Variants in ST6GAL1 observed in about 807,000 individuals in gnomAD.
ST6GAL1 encodes ST6 beta-galactoside alpha-2,6-sialyltransferase 1.
A neutral mutation model predicts 38.0 loss-of-function variants in ST6GAL1; 20 were observed. The observed-to-expected ratio is 0.53, with a 90% confidence interval of 0.37 to 0.77. The LOEUF is 0.77. Ranked by LOEUF, ST6GAL1 falls within the 30% of genes least tolerant of loss-of-function variation. The pLI is 0.00. For synonymous variants in ST6GAL1, 196 were observed against 188.2 expected (o/e 1.04, Z -0.34); for missense variants, 432 against 496.4 (o/e 0.87, Z 1.23).
intron 5 of ST6GAL1, among the ~76,000 whole-genome samples, chr3:187,069,846 AAC>A (rs916353046): frequency 2.0e-4 from 30 of 152,202 alleles, no homozygotes; most frequent in African/African-American, 7.2e-4. Context: ...AAGAGACAGG[AAC>A]ACACATCCCC....
rs997652538 is a variant in ST6GAL1, at chr3:186,968,231, T to C, written c.-183+4305T>C. 2.0e-5 allele frequency among the ~76,000 whole-genome samples: 3 copies of C among 152,190 alleles called. 1 individual carries two copies. Among genetic ancestry groups the C allele is most frequent in the African/African-American group, 7.2e-5 (3 of 41,446 alleles). On this transcript the variant is annotated intron_variant, in intron 2 of 7. Transcript: ENST00000169298. ...GACCTCCCGGCTTTCTGATCCAGTT[T>C]CATCATCTGTAAAATGGGCCGAATA...
rs76188407 is a variant in ST6GAL1, at chr3:186,971,472, G to A, written c.-183+7546G>A. ...ATTTGTGTTTCCCTAACAGCTGGTT[G>A]TGTGCCTCTCTTTCTGCTCCCCCAG... On this transcript the variant is annotated intron_variant, in intron 2 of 7. Transcript: ENST00000169298. Among the ~76,000 whole-genome samples the A allele has an allele frequency of 8.3e-3, 1,268 of 152,300 alleles. 12 individuals carry two copies. The highest frequency in any genetic ancestry group is 0.029 in the African/African-American group (1,201 of 41,570).
intron 2 of ST6GAL1, among the ~76,000 whole-genome samples, chr3:187,008,874 C>A (rs1425527310): frequency 6.6e-6 from 1 of 151,808 alleles, no homozygotes; most frequent in Non-Finnish European, 1.5e-5. Flanking sequence ...TCTGTCTCTT[C>A]CTTTCATGTG....
chr3:187,074,283 A>G lies in ST6GAL1; in HGVS notation c.929A>G (p.Glu310Gly). 3.1e-6 allele frequency: 5 copies of G among 1,610,792 alleles called. No homozygotes were observed. The highest frequency in any genetic ancestry group is 4.2e-6 in the Non-Finnish European group (5 of 1,178,622). The change falls in exon 7 of 8, where the codon GAA (glutamate) becomes GGA (glycine). Residue 310 changes from glutamate (E) to glycine (G), a missense_variant. Coordinates refer to ENST00000169298, the MANE Select transcript of ST6GAL1 (RefSeq NM_173216.2). ...TGGGAGCTATGGGACATTCTTCAAG[A>G]AATCTCCCCAGAAGAGATTCAGCCA... ...MPWELWDILQ[E>G]ISPEEIQPNP...
intron 1 of ST6GAL1, among the ~76,000 whole-genome samples, chr3:186,950,723 G>A (rs913293704): frequency 1.3e-5 from 2 of 152,280 alleles, no homozygotes; most frequent in Admixed American, 6.5e-5. Flanking sequence ...AAAAAGAACC[G>A]GAGAAGACCA....
chr3:187,029,883 G>T lies in ST6GAL1; in HGVS notation c.-182-8859G>T, dbSNP rs147323700. On this transcript the variant is annotated intron_variant, in intron 2 of 7. Transcript: ENST00000169298. Reference sequence around the variant, plus strand: ...GGAAAGTGAGGAACAGTGACAGGTGGAAGGATTAACCACAGAAGCTTGTTG... The same window carrying T: ...GGAAAGTGAGGAACAGTGACAGGTGTAAGGATTAACCACAGAAGCTTGTTG... 9.4e-4 allele frequency among the ~76,000 whole-genome samples: 143 copies of T among 152,304 alleles called. 3 individuals are homozygous for T. The highest frequency in any genetic ancestry group is 8.5e-3 in the East Asian group (44 of 5,186).
rs1719581697 is a variant in ST6GAL1 at position 187,076,924 on chromosome 3, C to A, written c.*1121C>A. 3 of 398,684 alleles carry A rather than the reference C, an allele frequency of 7.5e-6. No individual in the cohort carries two copies. The highest frequency in any genetic ancestry group is 4.4e-5 in the Admixed American group (1 of 22,698). 24.7% of individuals were successfully genotyped at this position (398,684 alleles called of 1,614,324 possible). On this transcript the variant is annotated 3_prime_UTR_variant, in exon 8 of 8. Transcript: ENST00000169298. ...CTGTCAGCTGGGTTTACATACCAGT[C>A]CCATTCTTCCTTTTCAATACCTACC...
chr3:186,982,783 G>C (rs972047296), intron 2 of ST6GAL1, among the ~76,000 whole-genome samples: 1 of 151,834 alleles, frequency 6.6e-6, no homozygotes. Flanking sequence ...CCGGGTTCAA[G>C]TGTTTCTCCT....
At chr3:187,007,286 G>C (rs1184015572) in intron 2 of ST6GAL1, among the ~76,000 whole-genome samples, 1 of 152,196 alleles carries the variant, frequency 6.6e-6, no homozygotes, top group African/African-American at 2.4e-5. Flanking sequence ...GTGGAAAAAG[G>C]GATCCACAAA....
intron 2 of ST6GAL1, among the ~76,000 whole-genome samples, chr3:186,979,940 C>T (rs1560149204): frequency 6.6e-6 from 1 of 152,168 alleles, no homozygotes; most frequent in Non-Finnish European, 1.5e-5. Context: ...TTACTATGTG[C>T]CAGGCATTAT....
At chr3:187,037,246 G>A (rs1428715634) in intron 2 of ST6GAL1, among the ~76,000 whole-genome samples, 2 of 152,102 alleles carry the variant, frequency 1.3e-5, no homozygotes, top group Non-Finnish European at 2.9e-5. Flanking sequence ...GAAAACTGCG[G>A]ACGAATGTAA....
chr3:187,020,167 G>T (rs1645928372), intron 2 of ST6GAL1, among the ~76,000 whole-genome samples: 1 of 152,000 alleles, frequency 6.6e-6, no homozygotes, highest in South Asian at 2.1e-4. Flanking sequence ...CGTGGTGGCG[G>T]GTGCCTGTAA....
rs1322593876 is a variant in ST6GAL1 at position 187,042,854 on chromosome 3, C to G, written c.151C>G (p.Leu51Val). The change falls in exon 4 of 8, where the codon CTG (leucine) becomes GTG (valine). Residue 51 changes from leucine to valine, a missense_variant. By Grantham distance (32) the Leu-to-Val change is conservative. Transcript: ENST00000169298. Reference sequence around the variant, plus strand: ...CAAGGAATTCCAGGTGTTAAAGAGTCTGGGGAAATTGGCCATGGGGTCTGA... The same window carrying G: ...CAAGGAATTCCAGGTGTTAAAGAGTGTGGGGAAATTGGCCATGGGGTCTGA... Reference protein sequence around the residue: ...QTKEFQVLKSLGKLAMGSDSQ... With the variant: ...QTKEFQVLKSVGKLAMGSDSQ... 1 of 1,614,202 alleles carries G rather than the reference C, an allele frequency of 6.2e-7. No homozygotes were observed. The highest frequency in any genetic ancestry group is 1.1e-5 in the South Asian group (1 of 91,080).
chr3:187,021,973 T>C (rs1406762521), intron 2 of ST6GAL1: 1 of 152,166 alleles, frequency 6.6e-6, no homozygotes, highest in Non-Finnish European at 1.5e-5. Context: ...ATCTGTATCC[T>C]CTGCAGCATC....
In ST6GAL1 at chr3:186,961,353, C is replaced by T. The variant is rs1714930222; in HGVS notation, c.-324-2432C>T. On this transcript the variant is annotated intron_variant, in intron 1 of 7. Transcript: ENST00000169298. ...TTTCCCTTCACTCTAGGGTCTACCA[C>T]CAGCTGACTAGAGTCTTTTTTCACA... Among the ~76,000 whole-genome samples the T allele has an allele frequency of 2.0e-5, 3 of 152,274 alleles. No homozygotes were observed. In the Middle Eastern group the frequency reaches 0.01, roughly 518 times the overall value.
intron 2 of ST6GAL1, among the ~76,000 whole-genome samples, chr3:186,980,435 A>G (rs1715655621): frequency 1.3e-5 from 2 of 152,158 alleles, no homozygotes; most frequent in East Asian, 1.9e-4. Flanking sequence ...TACGTCTTTA[A>G]AAAGCTTATT....
At chr3:187,054,447 G>C (rs1170976907) in intron 5 of ST6GAL1, among the ~76,000 whole-genome samples, 1 of 152,128 alleles carries the variant, frequency 6.6e-6, no homozygotes, top group African/African-American at 2.4e-5. Context: ...GTCATAAATA[G>C]CTTTTATTAT....
At chr3:187,016,409 C>A (rs1579324015) in intron 2 of ST6GAL1, among the ~76,000 whole-genome samples, 1 of 152,112 alleles carries the variant, frequency 6.6e-6, no homozygotes, top group Non-Finnish European at 1.5e-5. Context: ...AGTGTGTGTG[C>A]ATGTCAGGAG....
intron 5 of ST6GAL1, among the ~76,000 whole-genome samples, chr3:187,070,708 C>G (rs1719338994): frequency 6.6e-6 from 1 of 152,060 alleles, no homozygotes; most frequent in African/African-American, 2.4e-5. Flanking sequence ...CAGGTGTGAG[C>G]CACCGCACCC....
Sources: gnomAD v4.1 joint callset for allele counts (sites outside exome capture counted in the v4.1 genomes callset) on GRCh38, gnomAD v4.1.1 for gene constraint, MANE v1.5 for transcripts, NCBI Gene and HGNC (gene_info 2026-07-23, HGNC 2026-07-21) for gene names.